Variants in GPHB5 observed in about 807,000 individuals in gnomAD.
GPHB5 encodes glycoprotein hormone beta-5.
A neutral mutation model predicts 10.1 loss-of-function variants in GPHB5; 7 were observed. The observed-to-expected ratio is 0.69, with a 90% CI of 0.39 to 1.30. The LOEUF is 1.30. GPHB5 is among the 50% of genes most tolerant of loss of function. The pLI is 0.01. For synonymous variants in GPHB5, 68 were observed against 70.1 expected (o/e 0.97, Z 0.15); for missense variants, 161 against 169.8 (o/e 0.95, Z 0.29).
At chr14:63,316,258 C>T (rs1479340745) in intron 2 of GPHB5, among the ~76,000 whole-genome samples, 4 of 152,218 alleles carry the variant, frequency 2.6e-5, no homozygotes, top group Non-Finnish European at 4.4e-5. Flanking sequence ...GTAATTGTAC[C>T]TAAGCAAGAG....
chr14:63,315,039 A>T (rs1882748023), intron 2 of GPHB5, among the ~76,000 whole-genome samples: 1 of 151,632 alleles, frequency 6.6e-6, no homozygotes, highest in Admixed American at 6.6e-5. Context: ...AGTAGCTGGG[A>T]CTACAGGTGC....
chr14:63,318,171 T>C (rs1882806926), intron 1 of GPHB5, among the ~76,000 whole-genome samples: 1 of 152,206 alleles, frequency 6.6e-6, no homozygotes, highest in East Asian at 1.9e-4. Flanking sequence ...AAAATAAACA[T>C]AAAATATGAG....
At chr14:63,316,321 T>C (rs1429278539) in intron 2 of GPHB5, among the ~76,000 whole-genome samples, 3 of 152,244 alleles carry the variant, frequency 2.0e-5, no homozygotes, top group African/African-American at 4.8e-5. Context: ...AATGGCAGTG[T>C]CCACTCACAG....
chr14:63,316,334 C>T (rs1370857697), intron 2 of GPHB5, among the ~76,000 whole-genome samples: 1 of 152,194 alleles, frequency 6.6e-6, no homozygotes, highest in Non-Finnish European at 1.5e-5. Context: ...ACTCACAGTG[C>T]AAGTGTGATT....
At chr14:63,313,999 A>G (rs1882721867) in intron 2 of GPHB5, among the ~76,000 whole-genome samples, 2 of 152,200 alleles carry the variant, frequency 1.3e-5, no homozygotes, top group African/African-American at 4.8e-5. Flanking sequence ...TCAAGTACCC[A>G]AAACAGACCC....
chr14:63,317,744 A>G lies in GPHB5; in HGVS notation c.106T>C (p.Cys36Arg). ...AGGAAAGTAAACTCCCTCACGGCACAGCCCACAAAGGTGCGCAGGTTCCCA... is the reference window on the plus strand; with the variant it reads ...AGGAAAGTAAACTCCCTCACGGCACGGCCCACAAAGGTGCGCAGGTTCCCA... The part of the protein sequence containing the change: ...SSGNLRTFVG[C>R]AVREFTFLAK... The change falls in exon 2 of 3, where the codon TGT becomes CGT. Residue 36 changes from cysteine (C) to arginine (R), a missense_variant. Coordinates refer to ENST00000621500, the MANE Select transcript of GPHB5 (RefSeq NM_145171.4). 1 of 1,614,048 alleles carries G rather than the reference A, an allele frequency of 6.2e-7. No homozygotes were observed. Among genetic ancestry groups the G allele is most frequent in the Non-Finnish European group, 8.5e-7 (1 of 1,179,894 alleles).
At chr14:63,315,323 A>G (rs896654095) in intron 2 of GPHB5, among the ~76,000 whole-genome samples, 4 of 152,200 alleles carry the variant, frequency 2.6e-5, no homozygotes, top group African/African-American at 9.7e-5. Flanking sequence ...CTGGGAACCT[A>G]GGCAGACCAA....
chr14:63,315,508 G>A (rs1465447264), intron 2 of GPHB5, among the ~76,000 whole-genome samples: 1 of 139,812 alleles, frequency 7.2e-6, no homozygotes, highest in Non-Finnish European at 1.6e-5. Context: ...CTGTGGGGAG[G>A]GGATTGGTTT....
intron 2 of GPHB5, among the ~76,000 whole-genome samples, chr14:63,317,087 G>A (rs372117939): frequency 4.6e-5 from 7 of 152,264 alleles, no homozygotes; most frequent in Admixed American, 6.5e-5. Flanking sequence ...TAATGGATCC[G>A]TCAGTGATAA....
Position 63,317,855 on chromosome 14 carries a change from T to A in GPHB5, c.-1-5A>T. Reference sequence around the variant, plus strand: ...AAGAGGAATGCCAGCTTCATGCTGCTCTTCCGGAGAGGGAAAGGACAGAGT... The same window carrying A: ...AAGAGGAATGCCAGCTTCATGCTGCACTTCCGGAGAGGGAAAGGACAGAGT... On this transcript the variant is annotated splice_region_variant and splice_polypyrimidine_tract_variant and intron_variant, in intron 1 of 2. Coordinates refer to ENST00000621500, the MANE Select transcript of GPHB5 (RefSeq NM_145171.4). The A allele has an allele frequency of 6.2e-7, 1 of 1,613,720 alleles. No individual in the cohort carries two copies. Among genetic ancestry groups the A allele is most frequent in the Non-Finnish European group, 8.5e-7 (1 of 1,179,654 alleles).
At chr14:63,315,678 C>G (rs575676200) in intron 2 of GPHB5, among the ~76,000 whole-genome samples, 1 of 152,172 alleles carries the variant, frequency 6.6e-6, no homozygotes, top group Non-Finnish European at 1.5e-5. Context: ...TAAGATCCCC[C>G]CCACCAAAAA....
rs1488974274 is a variant in GPHB5 at position 63,313,158 on chromosome 14, T to C, written c.205-42A>G. On this transcript the variant is annotated intron_variant, in intron 2 of 2. Coordinates refer to ENST00000621500, the MANE Select transcript of GPHB5 (RefSeq NM_145171.4). ...AAAACAGAGAATTCATTAGAACATA[T>C]GATCTTGTTTCAGTTTTTTAGTATC... 2.1e-6 allele frequency: 3 copies of C among 1,446,790 alleles called. No homozygotes were observed. In the African/African-American group the frequency reaches 4.3e-5, roughly 21 times the overall value. The allele number at this position is 1,446,790 out of a possible 1,614,324, so 89.6% of individuals were successfully genotyped here.
rs1415743056 is a variant in GPHB5, at chr14:63,312,908, G to C, written c.*20C>G. The C allele has an allele frequency of 6.5e-6, 10 of 1,547,966 alleles. No homozygotes were observed. Among genetic ancestry groups the C allele is most frequent in the Non-Finnish European group, 7.9e-6 (9 of 1,144,724 alleles). On this transcript the variant is annotated 3_prime_UTR_variant, in exon 3 of 3. Coordinates refer to ENST00000621500, the MANE Select transcript of GPHB5 (RefSeq NM_145171.4). Reference sequence around the variant, plus strand: ...ATGTGCTGCTCACACAGGTGGGTCTGCAGAGAGCAGCTAGCGGCCTCAGAT... The same window carrying C: ...ATGTGCTGCTCACACAGGTGGGTCTCCAGAGAGCAGCTAGCGGCCTCAGAT...
rs373671088 is a variant in GPHB5 at position 63,317,781 on chromosome 14, G to A, written c.69C>T (p.Leu23=). 1.6e-4 allele frequency: 253 copies of A among 1,614,032 alleles called. 2 individuals carry two copies. The South Asian group carries it at 2.3e-3, about 15-fold the overall frequency. ...TGCGCAGGTTCCCACTGGAGGCACCGAGGACACAGCCATAGCCAGCCAGAA... is the reference window on the plus strand; with the variant it reads ...TGCGCAGGTTCCCACTGGAGGCACCAAGGACACAGCCATAGCCAGCCAGAA... ...LLLLAGYGCV[L]GASSGNLRTF... The change falls in exon 2 of 3, where the codon CTC becomes CTT. Residue 23 remains leucine, a synonymous_variant. Transcript: ENST00000621500.
chr14:63,316,473 G>C (rs899273412), intron 2 of GPHB5, among the ~76,000 whole-genome samples: 3 of 152,148 alleles, frequency 2.0e-5, no homozygotes, highest in African/African-American at 7.2e-5. Context: ...AAGGTTATAA[G>C]AATGAACCTC....
intron 2 of GPHB5, among the ~76,000 whole-genome samples, chr14:63,314,092 T>C (rs1882725492): frequency 6.6e-6 from 1 of 152,234 alleles, no homozygotes; most frequent in Non-Finnish European, 1.5e-5. Flanking sequence ...CTGTGCACTG[T>C]TCTGATCATC....
rs756835562 is a variant in GPHB5 at position 63,317,788 on chromosome 14, C to T, written c.62G>A (p.Cys21Tyr). The stretch of plus-strand genomic sequence containing the variant: ...GTTCCCACTGGAGGCACCGAGGACA[C>T]AGCCATAGCCAGCCAGAAGGAGGAG... ...MALLLLAGYG[C>Y]VLGASSGNLR... is the part of the protein sequence containing the mutation. Residue 21 changes from cysteine to tyrosine, a missense_variant, in exon 2 of 3, where the codon TGT (cysteine) becomes TAT (tyrosine). Coordinates refer to ENST00000621500, the MANE Select transcript of GPHB5 (RefSeq NM_145171.4). 4.3e-6 allele frequency: 7 copies of T among 1,614,064 alleles called. No homozygotes were observed. The South Asian group carries it at 7.7e-5, about 18-fold the overall frequency.
At chr14:63,317,248 G>A (rs1882786371) in intron 2 of GPHB5, among the ~76,000 whole-genome samples, 1 of 152,012 alleles carries the variant, frequency 6.6e-6, no homozygotes, top group Non-Finnish European at 1.5e-5. Context: ...GGAAACATAG[G>A]GAGGAGTTTG....
chr14:63,317,975 A>G (rs1183909328), intron 1 of GPHB5, 125 bp from the exon 2 acceptor site: 15 of 810,510 alleles, frequency 1.9e-5, no homozygotes, highest in Non-Finnish European at 2.5e-5. Flanking sequence ...AAATGAGCCC[A>G]GAAATTGTAA....
Sources: allele counts gnomAD v4.1 joint callset (sites outside exome capture counted in the v4.1 genomes callset), GRCh38; gene constraint gnomAD v4.1.1; transcripts MANE v1.5; gene names NCBI Gene and HGNC (gene_info 2026-07-23, HGNC 2026-07-21).